Variants in CERS5 observed in about 807,000 individuals in gnomAD.
The protein encoded by CERS5 is ceramide synthase 5, also known as LAG1 homolog, ceramide synthase 5.
Under a neutral mutation model 58.9 loss-of-function variants are expected in CERS5, and 37 were observed. The ratio of observed to expected loss-of-function variants is 0.63; its 90% CI spans 0.48 to 0.83. The LOEUF (loss-of-function observed/expected upper bound fraction) is 0.83, where lower values mean the gene tolerates loss of function less well. Among genes scored for constraint, CERS5 ranks in the 40% least tolerant of loss-of-function variants. CERS5 has a pLI of 0.00. For missense variants in CERS5, 398 were observed against 489.3 expected (o/e 0.81, Z 1.76); for synonymous variants, 147 against 177.8 (o/e 0.83, Z 1.38).
intron 9 of CERS5, chr12:50,133,566 A>C (rs1350960117): frequency 9.1e-6 from 9 of 986,306 alleles, no homozygotes; most frequent in Non-Finnish European, 1.1e-5. Context: ...GCTTTTATAC[A>C]GTTTATATGG....
chr12:50,165,430 A>G (rs1180679498), intron 1 of CERS5: 1 of 87,744 alleles, frequency 1.1e-5, no homozygotes, highest in Non-Finnish European at 2.3e-5. Context: ...AAAAAAAAAG[A>G]AAAAGAAAAA....
At chr12:50,145,671 A>G (rs563689562) in intron 1 of CERS5, among the ~76,000 whole-genome samples, 238 of 129,634 alleles carry the variant, frequency 1.8e-3, no homozygotes, top group East Asian at 5.6e-3. Context: ...GGTGGGGGGG[A>G]AAAAAAAAAT....
At chr12:50,163,332 G>A (rs1230877310) in intron 1 of CERS5, among the ~76,000 whole-genome samples, 1 of 152,116 alleles carries the variant, frequency 6.6e-6, no homozygotes, top group Admixed American at 6.5e-5. Flanking sequence ...CCAAGTAGCT[G>A]GGATTACAGG....
intron 1 of CERS5, among the ~76,000 whole-genome samples, chr12:50,162,142 C>T (rs1165282002): frequency 1.3e-5 from 2 of 148,466 alleles, no homozygotes; most frequent in African/African-American, 2.5e-5. Flanking sequence ...TCCCAAAGTG[C>T]TGGGATTACA....
rs1443041839 is a variant in CERS5, at chr12:50,157,373, T to TA, written c.197+9727dup. ...GATTCCGTCTCTTAGGAAGGAAAAT[T>TA]AGAAAAAAAAACAGTAATTACTGTA... On this transcript the variant is annotated intron_variant, in intron 1 of 9. Coordinates refer to ENST00000317551, the MANE Select transcript of CERS5 (RefSeq NM_147190.5). Among the ~76,000 whole-genome samples, 501 of 148,852 alleles carry TA rather than the reference T, an allele frequency of 3.4e-3. 2 individuals carry two copies. Among genetic ancestry groups the TA allele is most frequent in the African/African-American group, 6.6e-3 (265 of 40,454 alleles).
At chr12:50,130,980 A>C (rs933952381) in intron 9 of CERS5, among the ~76,000 whole-genome samples, 1 of 152,216 alleles carries the variant, frequency 6.6e-6, no homozygotes, top group Non-Finnish European at 1.5e-5. Context: ...TCATTCACTG[A>C]GACCTGGTTT....
At chr12:50,140,087 TA>T (rs1951884985) in intron 4 of CERS5, among the ~76,000 whole-genome samples, 1 of 152,208 alleles carries the variant, frequency 6.6e-6, no homozygotes, top group East Asian at 1.9e-4. Flanking sequence ...TTCAAGAACC[TA>T]AAGCAGAAAT....
chr12:50,135,128 A>AGAGT (rs1951567717), intron 8 of CERS5, among the ~76,000 whole-genome samples: 1 of 55,854 alleles, frequency 1.8e-5, no homozygotes, highest in African/African-American at 9.2e-5. Flanking sequence ...GAGAGAGAGG[A>AGAGT]GAGGGAGGGA....
At position 50,167,308 on chromosome 12, in the gene CERS5, C is replaced by A. The variant is rs748165354; in HGVS notation, c.-11G>T. On this transcript the variant is annotated 5_prime_UTR_variant, in exon 1 of 10. Coordinates refer to ENST00000317551, the MANE Select transcript of CERS5 (RefSeq NM_147190.5). ...CGCTGCTGTCGCCATCTTACGCCCA[C>A]CCCGAAGCCACCGCCGCCACAAGCG... The A allele has an allele frequency of 3.4e-6, 5 of 1,477,790 alleles. No individual in the cohort carries two copies. In the South Asian group the frequency reaches 6.7e-5, roughly 20 times the overall value. The allele number at this position is 1,477,790 out of a possible 1,614,324, so 91.5% of individuals were successfully genotyped here.
At chr12:50,148,781 T>C (rs1450199323) in intron 1 of CERS5, among the ~76,000 whole-genome samples, 3 of 151,210 alleles carry the variant, frequency 2.0e-5, no homozygotes, top group Admixed American at 1.3e-4. Flanking sequence ...CGTGCACACC[T>C]GTATTCCCAA....
intron 1 of CERS5, among the ~76,000 whole-genome samples, chr12:50,161,267 C>T (rs1939235012): frequency 6.6e-6 from 1 of 152,064 alleles, no homozygotes; most frequent in Non-Finnish European, 1.5e-5. Flanking sequence ...CAAGTCATCC[C>T]CATCAGGTGA....
chr12:50,163,861 CA>C (rs1190512881), intron 1 of CERS5, among the ~76,000 whole-genome samples: 1 of 152,014 alleles, frequency 6.6e-6, no homozygotes, highest in Non-Finnish European at 1.5e-5. Context: ...ACCATGTTGC[CA>C]AGGCTGGTCT....
At chr12:50,139,622 G>A (rs1227114917) in intron 4 of CERS5, among the ~76,000 whole-genome samples, 1 of 152,052 alleles carries the variant, frequency 6.6e-6, no homozygotes, top group Non-Finnish European at 1.5e-5. Flanking sequence ...ATGAAAATCT[G>A]TCTCTACCAA....
intron 4 of CERS5, 45 bp downstream of exon 4, chr12:50,142,008 G>A: frequency 8.9e-7 from 1 of 1,129,856 alleles, no homozygotes; most frequent in Non-Finnish European, 1.3e-6. Context: ...AGAGATCTAG[G>A]CATGATTAGA....
intron 5 of CERS5, 136 bp downstream of exon 5, chr12:50,138,431 G>T: frequency 1.3e-6 from 1 of 747,726 alleles, no homozygotes. Flanking sequence ...CCCTGAATAT[G>T]ACTTAAAGGG....
intron 1 of CERS5, among the ~76,000 whole-genome samples, chr12:50,161,869 CTTTTTT>C (rs765766688): frequency 1.0e-4 from 7 of 67,318 alleles, no homozygotes; most frequent in Non-Finnish European, 1.5e-4. Flanking sequence ...TGTTCTTCTT[CTTTTTT>C]TTTTTTTTTT....
intron 6 of CERS5, among the ~76,000 whole-genome samples, chr12:50,136,301 C>T (rs1951696387): frequency 2.0e-5 from 3 of 152,016 alleles, no homozygotes; most frequent in African/African-American, 4.8e-5. Flanking sequence ...GGGGAAGCCC[C>T]GTCTCTACTA....
chr12:50,143,206 T>C lies in CERS5; in HGVS notation c.304-2A>G. The stretch of plus-strand genomic sequence containing the variant: ...CTCCAGCCTTTTCTTATCAGGATAC[T>C]GTGAATGTATAACCAGAGTCAGAAC... On this transcript the variant is annotated splice_acceptor_variant, in intron 2 of 9. Transcript: ENST00000317551. LOFTEE classifies it high-confidence loss of function. 6.2e-7 allele frequency: 1 copy of C among 1,614,070 alleles called. No homozygotes were observed. The highest frequency in any genetic ancestry group is 8.5e-7 in the Non-Finnish European group (1 of 1,179,978).
At chr12:50,166,982 C>T (rs2138331427) in intron 1 of CERS5, 119 bp downstream of exon 1, 13 of 854,744 alleles carry the variant, frequency 1.5e-5, no homozygotes, top group Middle Eastern at 7.2e-4. Flanking sequence ...GGCCCAAGCT[C>T]CCCCAGCCCC....
Sources: gnomAD v4.1 joint callset for allele counts (sites outside exome capture counted in the v4.1 genomes callset) on GRCh38, gnomAD v4.1.1 for gene constraint, MANE v1.5 for transcripts, NCBI Gene and HGNC (gene_info 2026-07-23, HGNC 2026-07-21) for gene names.